The following A2ML1 variants were observed in gnomAD, a reference collection of about 807,000 sequenced individuals.
A2ML1 encodes alpha-2-macroglobulin-like protein 1.
A2ML1 carries 161 observed loss-of-function variants against 181.9 expected under a neutral mutation model. That is an observed-to-expected ratio of 0.89 (90% CI 0.78 to 1.01). A2ML1 has a LOEUF of 1.01. Ranked by LOEUF, A2ML1 falls within the 50% of genes least tolerant of loss-of-function variation. A2ML1 has a pLI of 0.00. For missense variants in A2ML1, 1,670 were observed against 1,768.1 expected (o/e 0.94, Z 1.00); for synonymous variants, 663 against 666.8 (o/e 0.99, Z 0.09).
rs374554974 is a variant in A2ML1 at position 8,836,347 on chromosome 12, C to T, written c.728+8C>T. The T allele has an allele frequency of 1.2e-6, 2 of 1,609,430 alleles. No homozygotes were observed. The highest frequency in any genetic ancestry group is 4.5e-5 in the East Asian group (2 of 44,846). On this transcript the variant is annotated splice_region_variant and intron_variant, in intron 7 of 35. Transcript: ENST00000299698. ...AGTAAAAATTTGTTGTAGGTAAGAG[C>T]AGAAGCTTGGGATCTGGTGGAGATT...
chr12:8,853,726 TG>T (rs1943967305), intron 20 of A2ML1, among the ~76,000 whole-genome samples: 1 of 152,172 alleles, frequency 6.6e-6, no homozygotes, highest in African/African-American at 2.4e-5. Context: ...ACACAACAGC[TG>T]TCTTCCCCAG....
intron 32 of A2ML1, among the ~76,000 whole-genome samples, chr12:8,868,900 A>G (rs534577203): frequency 8.5e-5 from 13 of 152,224 alleles, no homozygotes; most frequent in Non-Finnish European, 1.3e-4. Flanking sequence ...GCATGTATGT[A>G]CATATATGTG....
chr12:8,881,515 G>T (rs761067415), downstream of A2ML1, among the ~76,000 whole-genome samples: 9 of 152,312 alleles, frequency 5.9e-5, no homozygotes, highest in East Asian at 1.7e-3. Context: ...GGGAGAGGGG[G>T]AGAGAGACAC....
intron 35 of A2ML1, chr12:8,875,853 A>T (rs1181496629): frequency 6.6e-6 from 1 of 152,202 alleles, no homozygotes; most frequent in Non-Finnish European, 1.5e-5. Flanking sequence ...TTTTTACATG[A>T]TACATCTTTG....
chr12:8,868,737 G>A, intron 32 of A2ML1, 110 bp downstream of exon 32: 1 of 624,154 alleles, frequency 1.6e-6, no homozygotes, highest in East Asian at 2.9e-5. Flanking sequence ...ACACACACAA[G>A]GCATGTATAT....
intron 33 of A2ML1, among the ~76,000 whole-genome samples, chr12:8,869,575 T>G (rs967891435): frequency 6.6e-6 from 1 of 151,370 alleles, no homozygotes; most frequent in African/African-American, 2.4e-5. Context: ...GATATCTACA[T>G]TCTTTTTTTT....
intron 3 of A2ML1, among the ~76,000 whole-genome samples, chr12:8,825,424 GC>G (rs1369129375): frequency 1.3e-5 from 2 of 151,702 alleles, no homozygotes; most frequent in Admixed American, 6.6e-5. Context: ...AGATCTTTTT[GC>G]CCGTTCTTTA....
In A2ML1 at chr12:8,848,010, G is replaced by T. The variant is rs1229820332; in HGVS notation, c.1833+312G>T. 4.6e-3 allele frequency among the ~76,000 whole-genome samples: 645 copies of T among 140,972 alleles called. 3 individuals carry two copies. The highest frequency in any genetic ancestry group is 7.6e-3 in the Non-Finnish European group (499 of 65,232). 92.5% of individuals were successfully genotyped at this position (140,972 alleles called of 152,430 possible). A position where few individuals can be genotyped will look rare whatever the true frequency, so the allele number is the denominator to read the frequency against. On this transcript the variant is annotated intron_variant, in intron 15 of 35. Transcript: ENST00000299698. ...CAGAAAAAAAAAAAAAAAATTAACT[G>T]GGCATGGGCCCATGCCTGTAATCCT...
At chr12:8,823,604 T>A in intron 2 of A2ML1, 116 bp from the exon 3 acceptor site, 2 of 1,232,894 alleles carry the variant, frequency 1.6e-6, no homozygotes, top group Non-Finnish European at 2.3e-6. Context: ...TATGTCTCTA[T>A]CCTTGCTACC....
chr12:8,849,894 G>A, intron 17 of A2ML1, 135 bp downstream of exon 17: 1 of 807,502 alleles, frequency 1.2e-6, no homozygotes. Context: ...CACAGATGCA[G>A]GACAGTTTCC....
intron 5 of A2ML1, 23 bp from the exon 6 acceptor site, chr12:8,835,484 C>G: frequency 6.2e-7 from 1 of 1,612,962 alleles, no homozygotes; most frequent in South Asian, 1.1e-5. Flanking sequence ...GCAGGCACAT[C>G]ATGCAGTTTC....
rs765844188 is a variant in A2ML1, at chr12:8,845,458, G to C, written c.1493G>C (p.Ser498Thr). 2.5e-6 allele frequency: 4 copies of C among 1,614,198 alleles called. No individual in the cohort carries two copies. In the Middle Eastern group the frequency reaches 6.6e-4, roughly 266 times the overall value. Reference protein sequence around the residue: ...SFSYYLIGKGSLVMEGQKHLN... With the variant: ...SFSYYLIGKGTLVMEGQKHLN... ...CTTCTTTAGTTAATAGGGAAAGGAAGTTTGGTGATGGAGGGGCAGAAACAC... is the reference window on the plus strand; with the variant it reads ...CTTCTTTAGTTAATAGGGAAAGGAACTTTGGTGATGGAGGGGCAGAAACAC... The change falls in exon 13 of 36, where the codon AGT (serine) becomes ACT (threonine). Residue 498 changes from serine to threonine, a missense_variant. Physicochemically the swap from Ser to Thr is moderately conservative, Grantham distance 58. Coordinates refer to ENST00000299698, the MANE Select transcript of A2ML1 (RefSeq NM_144670.6).
At chr12:8,826,690 C>T (rs1281687316) in intron 3 of A2ML1, among the ~76,000 whole-genome samples, 5 of 152,128 alleles carry the variant, frequency 3.3e-5, no homozygotes, top group African/African-American at 1.2e-4. Context: ...TAAATGGTTG[C>T]TCATTGCAGC....
At chr12:8,841,643 T>A in intron 11 of A2ML1, 107 bp downstream of exon 11, 1 of 1,197,248 alleles carries the variant, frequency 8.4e-7, no homozygotes, top group Non-Finnish European at 1.2e-6. Context: ...ATTACATCTT[T>A]CTCACTCACA....
intron 33 of A2ML1, among the ~76,000 whole-genome samples, chr12:8,870,318 A>T (rs1944576167): frequency 6.6e-6 from 1 of 151,908 alleles, no homozygotes. Context: ...CCCAGGCTGG[A>T]GTGCAGTGGC....
chr12:8,854,878 G>A (rs764263527), intron 22 of A2ML1, 47 bp downstream of exon 22: 2 of 1,574,846 alleles, frequency 1.3e-6, no homozygotes, highest in Non-Finnish European at 1.7e-6. Context: ...CCCTTAGAGG[G>A]CAGGAGATTT....
In A2ML1 at chr12:8,849,719, T is replaced by C. The variant is rs1737474905; in HGVS notation, c.2079T>C (p.Asp693=). 1.9e-6 allele frequency: 3 copies of C among 1,614,200 alleles called. No homozygotes were observed. Among genetic ancestry groups the C allele is most frequent in the African/African-American group, 2.7e-5 (2 of 75,064 alleles). Residue 693 remains aspartate (D), a synonymous_variant, in exon 17 of 36, where the codon GAT becomes GAC. Transcript: ENST00000299698. ...LSNAKIKKPV[D]CSHRSPEYST... Reference sequence around the variant, plus strand: ...ATGCCAAAATCAAGAAGCCAGTAGATTGCAGTCACAGATCTCCAGAATACA... The same window carrying C: ...ATGCCAAAATCAAGAAGCCAGTAGACTGCAGTCACAGATCTCCAGAATACA...
At position 8,823,190 on chromosome 12, in the gene A2ML1, T is replaced by C; in HGVS notation, c.71T>C (p.Leu24Pro). The change falls in exon 2 of 36, where the codon CTG becomes CCG. Residue 24 changes from leucine to proline, a missense_variant. Transcript: ENST00000299698. ...TTCTGCTCCTTTAATAGAAACTACC[T>C]GGTGACATTACCAGCCCGGCTAAAT... ...PAIAEELPNY[L>P]VTLPARLNFP... 1 of 1,613,632 alleles carries C rather than the reference T, an allele frequency of 6.2e-7. No individual in the cohort carries two copies. The highest frequency in any genetic ancestry group is 8.5e-7 in the Non-Finnish European group (1 of 1,179,894).
At chr12:8,822,829 CT>C in intron 1 of A2ML1, 116 bp downstream of exon 1, 1 of 927,390 alleles carries the variant, frequency 1.1e-6, no homozygotes. Context: ...TTTCCTCCTC[CT>C]TTTTTCTCTT....
Sources: allele counts gnomAD v4.1 joint callset (sites outside exome capture counted in the v4.1 genomes callset), GRCh38; gene constraint gnomAD v4.1.1; transcripts MANE v1.5; gene names NCBI Gene and HGNC (gene_info 2026-07-23, HGNC 2026-07-21).